HIVEP1: variants seen among roughly 807,000 people sequenced by gnomAD.
The protein encoded by HIVEP1 is HIVEP zinc finger 1.
In HIVEP1, 36 loss-of-function variants were observed where a neutral mutation model predicts 180.0. The observed-to-expected ratio is 0.20, with a 90% CI of 0.15 to 0.26. The LOEUF (loss-of-function observed/expected upper bound fraction) is 0.26. HIVEP1 is among the 10% of genes least tolerant of loss of function. The pLI, the probability that HIVEP1 is intolerant of heterozygous loss-of-function variation, is 1.00. For missense variants in HIVEP1, 3,143 were observed against 3,268.7 expected, an observed-to-expected ratio of 0.96 and a Z score of 0.94; for synonymous variants, 1,239 against 1,239.0, an observed-to-expected ratio of 1.00 and a Z score of 0.00.
the HIVEP1 span, among the ~76,000 whole-genome samples, chr6:12,192,617 C>T: frequency 6.6e-6 from 1 of 152,062 alleles, no homozygotes; most frequent in African/African-American, 2.4e-5. Context: ...TGGCACTTCC[C>T]TCTTTGCTCT....
chr6:12,056,480 T>C (rs1173799603), intron 2 of HIVEP1, among the ~76,000 whole-genome samples: 1 of 152,238 alleles, frequency 6.6e-6, no homozygotes, highest in Non-Finnish European at 1.5e-5. Flanking sequence ...GTATTAAAGT[T>C]ATCAATTTTT....
chr6:12,122,237 C>T lies in HIVEP1; in HGVS notation c.2442C>T (p.Phe814=). ...GCTCTGATATACCGAAGTCACCTTT[C>T]ACCCCTACTGAAAAATCAAAGCAAG... The part of the protein sequence containing the change: ...SSSSDIPKSP[F]TPTEKSKQVF... The change falls in exon 4 of 9, where the codon TTC becomes TTT. Residue 814 remains phenylalanine, a synonymous_variant. Coordinates refer to ENST00000379388, the MANE Select transcript of HIVEP1 (RefSeq NM_002114.4). The T allele has an allele frequency of 6.2e-7, 1 of 1,614,200 alleles. No homozygotes were observed. The highest frequency in any genetic ancestry group is 8.5e-7 in the Non-Finnish European group (1 of 1,180,024).
At chr6:12,104,740 T>A (rs1439961455) in intron 3 of HIVEP1, among the ~76,000 whole-genome samples, 1 of 152,168 alleles carries the variant, frequency 6.6e-6, no homozygotes, top group Non-Finnish European at 1.5e-5. Flanking sequence ...CTAGCAACTG[T>A]CTTTTTCAGT....
chr6:12,160,580 G>C (rs1320872438), intron 7 of HIVEP1, among the ~76,000 whole-genome samples: 1 of 152,118 alleles, frequency 6.6e-6, no homozygotes, highest in Non-Finnish European at 1.5e-5. Flanking sequence ...CTTGGCCTTT[G>C]TTACAGGCAG....
chr6:12,073,538 G>A (rs543503027), intron 2 of HIVEP1, among the ~76,000 whole-genome samples: 1 of 152,104 alleles, frequency 6.6e-6, no homozygotes, highest in Admixed American at 6.5e-5. Flanking sequence ...GTTCCTAGGG[G>A]ACTGGCCGTT....
At chr6:12,201,090 T>C in the HIVEP1 span, among the ~76,000 whole-genome samples, 1 of 152,248 alleles carries the variant, frequency 6.6e-6, no homozygotes, top group African/African-American at 2.4e-5. Context: ...TAAATCATGG[T>C]TGAATGATAT....
At position 12,121,742 on chromosome 6, in the gene HIVEP1, G is replaced by A; in HGVS notation, c.1947G>A (p.Gln649=). The A allele has an allele frequency of 6.2e-7, 1 of 1,614,166 alleles. No individual in the cohort carries two copies. Among genetic ancestry groups the A allele is most frequent in the South Asian group, 1.1e-5 (1 of 91,080 alleles). Reference sequence around the variant, plus strand: ...CGGTACACGCCCAGCTACAAAGGCAGCAGGCTACCGATTACTCCCAAGAGC... The same window carrying A: ...CGGTACACGCCCAGCTACAAAGGCAACAGGCTACCGATTACTCCCAAGAGC... ...VGTVHAQLQR[Q]QATDYSQEQQ... Residue 649 remains glutamine, a synonymous_variant, in exon 4 of 9, where the codon CAG becomes CAA. Coordinates refer to ENST00000379388, the MANE Select transcript of HIVEP1 (RefSeq NM_002114.4). The surrounding 1 kb of genome is among the most constrained non-coding windows in gnomAD (Gnocchi z 5.3).
intron 7 of HIVEP1, among the ~76,000 whole-genome samples, chr6:12,137,857 A>C (rs780426323): frequency 5.9e-5 from 9 of 152,328 alleles, no homozygotes; most frequent in Non-Finnish European, 1.3e-4. Context: ...ACATATTTGG[A>C]GATTTTTTTA....
rs1267135803 is a variant in HIVEP1 at position 12,121,192 on chromosome 6, T to G, written c.1397T>G (p.Leu466Trp). The change falls in exon 4 of 9, where the codon TTG becomes TGG. Residue 466 changes from leucine to tryptophan, a missense_variant. Around this residue, in one of 12 missense-constraint regions of HIVEP1, gnomAD observed 365 missense variants for 344.4 expected, o/e 1.06. Transcript: ENST00000379388. The surrounding 1 kb of genome is among the most constrained non-coding windows in gnomAD (Gnocchi z 5.3). ...HAHTIKLGLVLQPDAGGLFLS... is the reference protein window; with the variant it reads ...HAHTIKLGLVWQPDAGGLFLS... Reference sequence around the variant, plus strand: ...CATACTATCAAACTGGGTCTTGTCTTGCAACCAGATGCTGGTGGCTTGTTC... The same window carrying G: ...CATACTATCAAACTGGGTCTTGTCTGGCAACCAGATGCTGGTGGCTTGTTC... 1 of 1,614,138 alleles carries G rather than the reference T, an allele frequency of 6.2e-7. No homozygotes were observed. Among genetic ancestry groups the G allele is most frequent in the Non-Finnish European group, 8.5e-7 (1 of 1,180,022 alleles).
intron 4 of HIVEP1, among the ~76,000 whole-genome samples, chr6:12,126,530 T>A (rs973687523): frequency 2.0e-5 from 3 of 152,238 alleles, no homozygotes; most frequent in Admixed American, 6.5e-5. Flanking sequence ...ATTAGAATTA[T>A]CAGCTTTATA....
At chr6:12,034,845 G>A (rs1769175934) in intron 2 of HIVEP1, among the ~76,000 whole-genome samples, 1 of 152,180 alleles carries the variant, frequency 6.6e-6, no homozygotes, top group African/African-American at 2.4e-5. Flanking sequence ...TCTTGACCTG[G>A]GCGTTGTACC....
intron 2 of HIVEP1, among the ~76,000 whole-genome samples, chr6:12,048,726 A>T (rs1236179227): frequency 6.6e-6 from 1 of 152,228 alleles, no homozygotes; most frequent in East Asian, 1.9e-4. Flanking sequence ...CATCAAAATT[A>T]TTCAATCTTT....
intron 2 of HIVEP1, among the ~76,000 whole-genome samples, chr6:12,064,738 C>T (rs947132909): frequency 1.3e-5 from 2 of 152,110 alleles, no homozygotes; most frequent in Non-Finnish European, 2.9e-5. Flanking sequence ...GTGTCCCCTC[C>T]CCACGCCGTA....
chr6:12,163,337 GC>G lies in HIVEP1; in HGVS notation c.7034del (p.Ala2345GlufsTer21). The G allele has an allele frequency of 6.2e-7, 1 of 1,614,164 alleles. No individual in the cohort carries two copies. Among genetic ancestry groups the G allele is most frequent in the Non-Finnish European group, 8.5e-7 (1 of 1,180,024 alleles). On this transcript the variant is annotated frameshift_variant, in exon 9 of 9. Transcript: ENST00000379388. LOFTEE classifies it low-confidence loss of function (END_TRUNC). ...PAAAEHSPQT[A>X]AGMPSVASPH... is the part of the protein sequence containing the mutation. ...TGCAGCTGAGCACAGCCCCCAGACA[GC>G]AGCGGGGATGCCTTCTGTGGCCTCA...
At chr6:12,027,311 C>T (rs1041297860) in intron 2 of HIVEP1, among the ~76,000 whole-genome samples, 2 of 152,094 alleles carry the variant, frequency 1.3e-5, no homozygotes, top group Non-Finnish European at 2.9e-5. Context: ...TGTGAGGGTC[C>T]GCTGCCTGCC....
chr6:12,113,936 G>C (rs1344030293), intron 3 of HIVEP1, among the ~76,000 whole-genome samples: 1 of 152,012 alleles, frequency 6.6e-6, no homozygotes, highest in Non-Finnish European at 1.5e-5. Context: ...CACATTATTT[G>C]TTTAATTTGT....
chr6:12,196,950 A>G, the HIVEP1 span, among the ~76,000 whole-genome samples: 3 of 152,222 alleles, frequency 2.0e-5, no homozygotes, highest in Admixed American at 2.0e-4. Context: ...ATGAGGAATA[A>G]AAAATGTATA....
chr6:12,099,726 A>C (rs990092228), intron 3 of HIVEP1, among the ~76,000 whole-genome samples: 2 of 152,040 alleles, frequency 1.3e-5, no homozygotes, highest in Non-Finnish European at 2.9e-5. Context: ...GCATTTGACA[A>C]ATGTTTATTG....
chr6:12,133,942 C>T (rs1758570232), intron 6 of HIVEP1, among the ~76,000 whole-genome samples: 1 of 150,670 alleles, frequency 6.6e-6, no homozygotes, highest in Non-Finnish European at 1.5e-5. Flanking sequence ...CTCGCCACTG[C>T]ACTCCAGCCT....
Sources: allele counts gnomAD v4.1 joint callset (sites outside exome capture counted in the v4.1 genomes callset), GRCh38; gene constraint gnomAD v4.1.1; regional missense constraint gnomAD v4.1.1; non-coding constraint Gnocchi (gnomAD v3.1); transcripts MANE v1.5; gene names NCBI Gene and HGNC (gene_info 2026-07-23, HGNC 2026-07-21).